The following ROBO1 variants were observed in gnomAD, a reference collection of about 807,000 sequenced individuals.
ROBO1 encodes the protein roundabout homolog 1.
A neutral mutation model predicts 195.9 loss-of-function variants in ROBO1; 149 were observed. The observed-to-expected ratio is 0.76, with a 90% CI of 0.67 to 0.87. The LOEUF is 0.87. ROBO1 is among the 40% of genes least tolerant of loss of function. The pLI, the probability that ROBO1 is intolerant of heterozygous loss-of-function variation, is 0.00. For missense variants in ROBO1, 1,933 were observed against 2,068.3 expected, an observed-to-expected ratio of 0.93 and a Z score of 1.27; for synonymous variants, 816 against 733.2, an observed-to-expected ratio of 1.11 and a Z score of -1.82.
chr3:78,963,720 T>C (rs924317097), intron 3 of ROBO1, among the ~76,000 whole-genome samples: 4 of 151,858 alleles, frequency 2.6e-5, no homozygotes, highest in African/African-American at 7.3e-5. Context: ...GGTTTCACCG[T>C]GTTAGCCAGG....
At chr3:78,726,386 A>C (rs905370247) in intron 5 of ROBO1, among the ~76,000 whole-genome samples, 2 of 152,238 alleles carry the variant, frequency 1.3e-5, no homozygotes, top group African/African-American at 4.8e-5. Flanking sequence ...TAAAGGTTTG[A>C]AAATATTGAT....
At chr3:79,509,312 T>C (rs1171323096) in intron 2 of ROBO1, among the ~76,000 whole-genome samples, 2 of 152,100 alleles carry the variant, frequency 1.3e-5, no homozygotes, top group Non-Finnish European at 2.9e-5. Flanking sequence ...TTAAATCACA[T>C]TTGCTGTAGT....
At chr3:78,740,280 T>C (rs1185826) in intron 5 of ROBO1, among the ~76,000 whole-genome samples, 24 of 149,722 alleles carry the variant, frequency 1.6e-4, no homozygotes, top group Non-Finnish European at 3.1e-4. Flanking sequence ...AATGAGATGA[T>C]ATAAAACATA....
intron 19 of ROBO1, among the ~76,000 whole-genome samples, chr3:78,649,857 C>T (rs1265062379): frequency 6.6e-6 from 1 of 152,038 alleles, no homozygotes; most frequent in Non-Finnish European, 1.5e-5. Flanking sequence ...GCTCAAAGTA[C>T]GTTAGTAAAG....
chr3:79,068,366 T>C (rs62259660), intron 3 of ROBO1, among the ~76,000 whole-genome samples: 16,072 of 151,914 alleles, frequency 0.11, 1,120 homozygotes, highest in East Asian at 0.17. Flanking sequence ...CTCCTAACCA[T>C]GGGCATGGTT....
chr3:78,920,967 CCA>C (rs1305191270), intron 4 of ROBO1, among the ~76,000 whole-genome samples: 1 of 152,112 alleles, frequency 6.6e-6, no homozygotes, highest in African/African-American at 2.4e-5. Flanking sequence ...CAGGCATGAG[CCA>C]CTGCGTGTGA....
intron 4 of ROBO1, among the ~76,000 whole-genome samples, chr3:78,844,889 T>C (rs373324596): frequency 2.6e-5 from 4 of 152,026 alleles, no homozygotes; most frequent in East Asian, 3.9e-4. Context: ...AATGAGGGTG[T>C]AGGATTAAGT....
chr3:79,071,248 A>G (rs1006732566), intron 3 of ROBO1, among the ~76,000 whole-genome samples: 1 of 151,800 alleles, frequency 6.6e-6, no homozygotes, highest in African/African-American at 2.4e-5. Context: ...CAATATTTTC[A>G]TATCCAAACA....
At chr3:79,385,867 A>C (rs1223896219) in intron 2 of ROBO1, among the ~76,000 whole-genome samples, 1 of 152,170 alleles carries the variant, frequency 6.6e-6, no homozygotes, top group African/African-American at 2.4e-5. Flanking sequence ...GGCTATAATA[A>C]AAAGTCAACT....
intron 2 of ROBO1, among the ~76,000 whole-genome samples, chr3:79,405,313 C>T (rs1049451013): frequency 6.6e-6 from 1 of 152,168 alleles, no homozygotes; most frequent in Non-Finnish European, 1.5e-5. Flanking sequence ...CACTGGTGCT[C>T]AGATGATTGC....
rs568182381 is a variant in ROBO1 at position 78,628,014 on chromosome 3, C to A, written c.3627-445G>T. Among the ~76,000 whole-genome samples, 324 of 148,664 alleles carry A rather than the reference C, an allele frequency of 2.2e-3. 1 individual carries two copies. Among genetic ancestry groups the A allele is most frequent in the African/African-American group, 7.7e-3 (310 of 40,134 alleles). ...TGTTGCCCAGGCTGGAGTGCAATGG[C>A]ACAATCTCAGCTCAACGCAACCTCC... On this transcript the variant is annotated intron_variant, in intron 25 of 30. Coordinates refer to ENST00000464233, the MANE Select transcript of ROBO1 (RefSeq NM_002941.4).
chr3:78,814,633 C>T (rs1197037495), intron 4 of ROBO1, among the ~76,000 whole-genome samples: 1 of 151,866 alleles, frequency 6.6e-6, no homozygotes, highest in African/African-American at 2.4e-5. Flanking sequence ...CGCTCATAAA[C>T]GATGATGTAA....
At chr3:78,786,372 ACT>A (rs1012013446) in intron 4 of ROBO1, among the ~76,000 whole-genome samples, 11 of 152,262 alleles carry the variant, frequency 7.2e-5, no homozygotes, top group South Asian at 6.2e-4. Context: ...ATTTCTTGAC[ACT>A]CTTTTAAAAT....
At position 78,828,923 on chromosome 3, in the gene ROBO1, GA is replaced by G. The variant is rs879363361; in HGVS notation, c.500-82024del. ...GCAGTTTACCAACTAGCTAACTATAGAAAAAAAACTTTCATATATTCTCATA... is the reference window on the plus strand; with the variant it reads ...GCAGTTTACCAACTAGCTAACTATAGAAAAAAACTTTCATATATTCTCATA... On this transcript the variant is annotated intron_variant, in intron 4 of 30. Transcript: ENST00000464233. Among the ~76,000 whole-genome samples, 4 of 152,010 alleles carry G rather than the reference GA, an allele frequency of 2.6e-5. No individual in the cohort carries two copies. The South Asian group carries it at 8.3e-4, about 32-fold the overall frequency.
chr3:78,616,682 C>T (rs980471630), intron 27 of ROBO1, among the ~76,000 whole-genome samples: 52 of 152,054 alleles, frequency 3.4e-4, no homozygotes, highest in Non-Finnish European at 1.6e-4. Flanking sequence ...TTTTCCTTCT[C>T]TGAAATGTAT....
At chr3:78,987,064 T>C (rs2077123371) in intron 3 of ROBO1, among the ~76,000 whole-genome samples, 3 of 151,006 alleles carry the variant, frequency 2.0e-5, no homozygotes, top group African/African-American at 4.9e-5. Context: ...TGTTTCTGAA[T>C]GTTAACCTCT....
At chr3:78,744,802 A>G (rs1025835191) in intron 5 of ROBO1, among the ~76,000 whole-genome samples, 6 of 152,110 alleles carry the variant, frequency 3.9e-5, no homozygotes, top group Non-Finnish European at 7.4e-5. Context: ...CACTATTTTT[A>G]ATAGGACTTA....
At chr3:79,069,142 T>C (rs905059660) in intron 3 of ROBO1, among the ~76,000 whole-genome samples, 1 of 151,890 alleles carries the variant, frequency 6.6e-6, no homozygotes, top group Non-Finnish European at 1.5e-5. Flanking sequence ...AAATTCAACA[T>C]AAATTTTAAA....
intron 3 of ROBO1, among the ~76,000 whole-genome samples, chr3:79,065,926 T>C (rs2078995649): frequency 6.6e-6 from 1 of 151,918 alleles, no homozygotes; most frequent in Admixed American, 6.6e-5. Flanking sequence ...GAATTTACAA[T>C]TTTTTAACCC....
Sources: allele counts gnomAD v4.1 joint callset (sites outside exome capture counted in the v4.1 genomes callset), GRCh38; gene constraint gnomAD v4.1.1; transcripts MANE v1.5; gene names NCBI Gene and HGNC (gene_info 2026-07-23, HGNC 2026-07-21).